The following GLIS3 variants were observed in gnomAD, a reference collection of about 807,000 sequenced individuals.
The protein encoded by GLIS3 is GLIS family zinc finger 3.
GLIS3 carries 53 observed loss-of-function variants against 78.6 expected under a neutral mutation model. That is an observed-to-expected ratio of 0.67 (90% CI 0.54 to 0.85). The LOEUF (loss-of-function observed/expected upper bound fraction) is 0.85, where lower values mean the gene tolerates loss of function less well. GLIS3 is among the 40% of genes least tolerant of loss of function. The pLI is 0.00. For missense variants in GLIS3, 1,703 were observed against 1,231.1 expected (o/e 1.38, Z -5.74); for synonymous variants, 684 against 509.9 (o/e 1.34, Z -4.60).
rs992466470 is a variant in GLIS3, at chr9:4,155,402, C to T, written c.389-29461G>A. 1.1e-4 allele frequency among the ~76,000 whole-genome samples: 17 copies of T among 152,340 alleles called. No homozygotes were observed. In the South Asian group the frequency reaches 1.2e-3, roughly 11 times the overall value. On this transcript the variant is annotated intron_variant, in intron 2 of 10. Coordinates refer to ENST00000381971, the MANE Select transcript of GLIS3 (RefSeq NM_001042413.2). Reference sequence around the variant, plus strand: ...CATAATCAAGTAACTTTCCCAAGCTCGTGACCTGGCCGTGGCGTAGATTCT... The same window carrying T: ...CATAATCAAGTAACTTTCCCAAGCTTGTGACCTGGCCGTGGCGTAGATTCT...
At chr9:4,257,647 C>G (rs1825100334) in intron 2 of GLIS3, among the ~76,000 whole-genome samples, 1 of 151,844 alleles carries the variant, frequency 6.6e-6, no homozygotes, top group Non-Finnish European at 1.5e-5. Context: ...AATCTCGGCT[C>G]ACTGCAAGCT....
At chr9:4,010,037 G>T (rs569697147) in intron 4 of GLIS3, among the ~76,000 whole-genome samples, 45 of 152,280 alleles carry the variant, frequency 3.0e-4, no homozygotes, top group African/African-American at 9.9e-4. Flanking sequence ...CATTGTGGCG[G>T]GGGGCCAGTA....
At chr9:3,972,530 G>A (rs1818455043) in intron 4 of GLIS3, among the ~76,000 whole-genome samples, 1 of 151,984 alleles carries the variant, frequency 6.6e-6, no homozygotes, top group East Asian at 1.9e-4. Context: ...CATATTTCTG[G>A]TTTCTTGACT....
intron 2 of GLIS3, among the ~76,000 whole-genome samples, chr9:4,284,005 T>G (rs1461551699): frequency 6.6e-6 from 1 of 152,246 alleles, no homozygotes; most frequent in Non-Finnish European, 1.5e-5. Flanking sequence ...GCACTACTTC[T>G]GACAGGCATT....
chr9:3,853,278 TTAAC>T (rs1403270084), intron 9 of GLIS3, among the ~76,000 whole-genome samples: 1 of 152,156 alleles, frequency 6.6e-6, no homozygotes, highest in Non-Finnish European at 1.5e-5. Flanking sequence ...CATTCATTAT[TTAAC>T]TAAAAAAAAG....
At chr9:4,457,619 G>A in the GLIS3 span, among the ~76,000 whole-genome samples, 594 of 151,968 alleles carry the variant, frequency 3.9e-3, 25 homozygotes, top group East Asian at 0.1. Context: ...GGACTGAGGC[G>A]GGTGGATCAT....
intron 4 of GLIS3, among the ~76,000 whole-genome samples, chr9:4,017,534 G>A (rs939527557): frequency 1.3e-5 from 2 of 152,166 alleles, no homozygotes; most frequent in Non-Finnish European, 1.5e-5. Context: ...CTGGAGAAGG[G>A]AGACATCTCT....
chr9:4,474,995 C>T, the GLIS3 span, among the ~76,000 whole-genome samples: 42,220 of 80,764 alleles, frequency 0.52, 9,210 homozygotes, highest in Middle Eastern at 0.58. Flanking sequence ...ATTTTTTTTT[C>T]TTTTTTTTTT....
intron 8 of GLIS3, among the ~76,000 whole-genome samples, chr9:3,863,306 A>G (rs1317044123): frequency 2.6e-5 from 4 of 152,238 alleles, no homozygotes; most frequent in African/African-American, 9.6e-5. Context: ...TTTGTCCCCA[A>G]ATGAATCACA....
At chr9:4,281,460 C>T (rs1208152758) in intron 2 of GLIS3, among the ~76,000 whole-genome samples, 1 of 152,144 alleles carries the variant, frequency 6.6e-6, no homozygotes, top group Admixed American at 6.5e-5. Flanking sequence ...TCCCCAACTC[C>T]CAGCAACCAC....
At chr9:4,048,144 C>T (rs989920820) in intron 4 of GLIS3, among the ~76,000 whole-genome samples, 14 of 152,088 alleles carry the variant, frequency 9.2e-5, no homozygotes, top group South Asian at 2.1e-4. Context: ...TGAATTTATC[C>T]GACCCCTGAA....
the GLIS3 span, among the ~76,000 whole-genome samples, chr9:4,377,996 C>T: frequency 2.6e-5 from 4 of 152,066 alleles, no homozygotes; most frequent in African/African-American, 7.2e-5. Flanking sequence ...ACTCTGCAGC[C>T]AGTAAAACTT....
chr9:4,269,047 A>G lies in GLIS3; in HGVS notation c.388+16991T>C, dbSNP rs1379168280. On this transcript the variant is annotated intron_variant, in intron 2 of 10. Coordinates refer to ENST00000381971, the MANE Select transcript of GLIS3 (RefSeq NM_001042413.2). ...TCTTTCCCTGACTGGATGCTGGCTA[A>G]CATACCATCACATAGACATTTAGTC... 2.0e-5 allele frequency among the ~76,000 whole-genome samples: 3 copies of G among 152,252 alleles called. No individual in the cohort carries two copies. In the South Asian group the frequency reaches 6.2e-4, roughly 32 times the overall value.
chr9:4,094,028 G>A (rs1219999627), intron 4 of GLIS3, among the ~76,000 whole-genome samples: 5 of 152,074 alleles, frequency 3.3e-5, no homozygotes, highest in Non-Finnish European at 7.3e-5. Flanking sequence ...TCAGTTTCCT[G>A]CAAATATCTG....
intron 4 of GLIS3, among the ~76,000 whole-genome samples, chr9:4,074,564 T>C (rs557315807): frequency 2.0e-4 from 30 of 152,272 alleles, no homozygotes; most frequent in Admixed American, 2.0e-3. Flanking sequence ...CTGTATTATA[T>C]TTTCTTTCTT....
intron 4 of GLIS3, among the ~76,000 whole-genome samples, chr9:4,067,102 C>T (rs1384993172): frequency 1.3e-5 from 2 of 152,046 alleles, no homozygotes; most frequent in Non-Finnish European, 2.9e-5. Flanking sequence ...TCCCCTTCTG[C>T]CCTGGAGAAA....
chr9:3,920,719 C>T (rs1374582060), intron 6 of GLIS3, among the ~76,000 whole-genome samples: 5 of 150,086 alleles, frequency 3.3e-5, no homozygotes, highest in African/African-American at 1.2e-4. Context: ...CTTATGTACA[C>T]ATGAGGAAAT....
chr9:4,434,285 G>C, the GLIS3 span, among the ~76,000 whole-genome samples: 3 of 152,074 alleles, frequency 2.0e-5, no homozygotes, highest in South Asian at 4.1e-4. Context: ...GGTGTTAGTG[G>C]TAGTAGAAGT....
intron 6 of GLIS3, among the ~76,000 whole-genome samples, chr9:3,922,876 C>T (rs746859598): frequency 4.6e-5 from 7 of 151,944 alleles, no homozygotes; most frequent in African/African-American, 7.3e-5. Context: ...AAAGATTCTA[C>T]GAAGAATAAT....
Sources: allele counts gnomAD v4.1 joint callset (sites outside exome capture counted in the v4.1 genomes callset), GRCh38; gene constraint gnomAD v4.1.1; transcripts MANE v1.5; gene names NCBI Gene and HGNC (gene_info 2026-07-23, HGNC 2026-07-21).